The following CFAP299 variants were observed in gnomAD, a reference collection of about 807,000 sequenced individuals.
CFAP299 encodes the protein cilia and flagella associated protein 299, also known as cilia- and flagella-associated protein 299.
In CFAP299, 21 loss-of-function variants were observed where a neutral mutation model predicts 27.0. The observed-to-expected ratio is 0.78, with a 90% CI of 0.55 to 1.12. CFAP299 has a LOEUF of 1.12. CFAP299 is among the 50% of genes most tolerant of loss of function. The pLI, the probability that CFAP299 is intolerant of heterozygous loss-of-function variation, is 0.00. For missense variants in CFAP299, 310 were observed against 276.6 expected (o/e 1.12, Z -0.86); for synonymous variants, 104 against 98.1 (o/e 1.06, Z -0.36).
intron 2 of CFAP299, among the ~76,000 whole-genome samples, chr4:80,549,713 T>A (rs1214659931): frequency 2.6e-5 from 4 of 152,120 alleles, no homozygotes; most frequent in Non-Finnish European, 5.9e-5. Flanking sequence ...TGATCTCTAA[T>A]AGAAAAGTAT....
Position 80,917,710 on chromosome 4 carries a change from G to A in CFAP299, c.477-27100G>A, listed in dbSNP as rs541118779. 4.3e-4 allele frequency among the ~76,000 whole-genome samples: 65 copies of A among 152,086 alleles called. 1 individual carries two copies. The highest frequency in any genetic ancestry group is 1.4e-3 in the African/African-American group (60 of 41,496). On this transcript the variant is annotated intron_variant, in intron 4 of 5. Transcript: ENST00000358105. Reference sequence around the variant, plus strand: ...AGAATATGAGCCTTTTGTATTTTGAGGAAAGATTTCATACAGCAGAAATAG... The same window carrying A: ...AGAATATGAGCCTTTTGTATTTTGAAGAAAGATTTCATACAGCAGAAATAG...
intron 3 of CFAP299, among the ~76,000 whole-genome samples, chr4:80,780,359 C>A (rs1396993627): frequency 1.3e-5 from 2 of 152,086 alleles, no homozygotes; most frequent in Non-Finnish European, 2.9e-5. Context: ...AAGGCATTGC[C>A]ACTTTCTCAG....
intron 3 of CFAP299, among the ~76,000 whole-genome samples, chr4:80,713,202 G>T (rs1051815039): frequency 1.3e-5 from 2 of 152,074 alleles, no homozygotes; most frequent in Non-Finnish European, 2.9e-5. Context: ...AATGTTAATG[G>T]ATCTTAAAGT....
intron 2 of CFAP299, among the ~76,000 whole-genome samples, chr4:80,549,906 A>G (rs1395802243): frequency 6.6e-6 from 1 of 152,046 alleles, no homozygotes; most frequent in East Asian, 1.9e-4. Context: ...GTTACAAGGT[A>G]AAAGGAAAAT....
chr4:80,749,776 G>A (rs1451900246), intron 3 of CFAP299, among the ~76,000 whole-genome samples: 6 of 152,190 alleles, frequency 3.9e-5, no homozygotes, highest in Non-Finnish European at 7.3e-5. Context: ...TTATTCTAGC[G>A]ACACTGGCAG....
At chr4:80,386,584 GA>G (rs1425126020) in intron 2 of CFAP299, 2 of 1,598,128 alleles carry the variant, frequency 1.3e-6, no homozygotes, top group African/African-American at 2.7e-5. Flanking sequence ...GGTGATCTTT[GA>G]GGTATTTGTG....
intron 3 of CFAP299, among the ~76,000 whole-genome samples, chr4:80,676,278 C>A (rs1406474390): frequency 1.3e-5 from 2 of 152,278 alleles, no homozygotes; most frequent in East Asian, 3.9e-4. Context: ...ATATTTTGAA[C>A]CATCCTTGCA....
At chr4:80,930,688 C>T (rs528346448) in intron 4 of CFAP299, among the ~76,000 whole-genome samples, 1 of 152,256 alleles carries the variant, frequency 6.6e-6, no homozygotes, top group East Asian at 1.9e-4. Flanking sequence ...ATTGTGTTTT[C>T]TCACTCAGAC....
chr4:80,776,655 T>C (rs1315001224), intron 3 of CFAP299, among the ~76,000 whole-genome samples: 2 of 151,950 alleles, frequency 1.3e-5, no homozygotes, highest in South Asian at 2.1e-4. Context: ...AAAACCTAGA[T>C]GATGGGTTGA....
intron 2 of CFAP299, among the ~76,000 whole-genome samples, chr4:80,365,802 C>T (rs879399995): frequency 6.6e-5 from 10 of 152,216 alleles, no homozygotes; most frequent in East Asian, 3.9e-4. Context: ...CATATCAAGA[C>T]GAGTTATTCA....
At chr4:80,737,177 G>T (rs181386240) in intron 3 of CFAP299, among the ~76,000 whole-genome samples, 3 of 140,766 alleles carry the variant, frequency 2.1e-5, no homozygotes, top group Non-Finnish European at 3.1e-5. Flanking sequence ...TTGGGGGGAG[G>T]GGGGAGGGAT....
At chr4:80,725,009 A>T (rs961806788) in intron 3 of CFAP299, among the ~76,000 whole-genome samples, 1 of 145,592 alleles carries the variant, frequency 6.9e-6, no homozygotes, top group African/African-American at 2.6e-5. Context: ...GAGTGGCATG[A>T]TCTCAGCTCA....
At chr4:80,848,103 C>T (rs919842471) in intron 3 of CFAP299, among the ~76,000 whole-genome samples, 3 of 151,320 alleles carry the variant, frequency 2.0e-5, no homozygotes, top group East Asian at 3.9e-4. Context: ...GCCAGCTACT[C>T]GGGAGGCTGA....
intron 2 of CFAP299, among the ~76,000 whole-genome samples, chr4:80,558,957 T>C (rs949246258): frequency 6.6e-6 from 1 of 152,152 alleles, no homozygotes; most frequent in Non-Finnish European, 1.5e-5. Context: ...ATCATTTCTA[T>C]TTTGGTTATT....
At chr4:80,944,431 A>G (rs1737365960) in intron 4 of CFAP299, among the ~76,000 whole-genome samples, 1 of 152,184 alleles carries the variant, frequency 6.6e-6, no homozygotes, top group African/African-American at 2.4e-5. Context: ...GAATGAAAAG[A>G]GGTGATTTAG....
intron 2 of CFAP299, among the ~76,000 whole-genome samples, chr4:80,397,126 G>A (rs1185291620): frequency 6.6e-6 from 1 of 151,964 alleles, no homozygotes; most frequent in Admixed American, 6.6e-5. Context: ...TATGTGTCCA[G>A]GAATTTATCC....
chr4:80,600,033 T>C (rs1293346850), intron 3 of CFAP299, among the ~76,000 whole-genome samples: 1 of 152,038 alleles, frequency 6.6e-6, no homozygotes, highest in Non-Finnish European at 1.5e-5. Context: ...AAAGTCAGGG[T>C]GTCCGAATGC....
At chr4:80,534,487 T>C (rs1286722871) in intron 2 of CFAP299, among the ~76,000 whole-genome samples, 1 of 151,994 alleles carries the variant, frequency 6.6e-6, no homozygotes. Context: ...ATCTTGATAA[T>C]TGGAAACAAA....
intron 2 of CFAP299, among the ~76,000 whole-genome samples, chr4:80,390,720 C>CATGTATATATGTATATATGTATAT (rs1725352443): frequency 7.2e-6 from 1 of 138,162 alleles, no homozygotes; most frequent in Admixed American, 7.3e-5. Context: ...TGTATACACA[C>CATGTATATATGTATATATGTATAT]ATACATGTAT....
Sources: allele counts gnomAD v4.1 joint callset (sites outside exome capture counted in the v4.1 genomes callset), GRCh38; gene constraint gnomAD v4.1.1; transcripts MANE v1.5; gene names NCBI Gene and HGNC (gene_info 2026-07-23, HGNC 2026-07-21).